PRKG1: variants seen among roughly 807,000 people sequenced by gnomAD.
PRKG1 encodes the protein cGMP-dependent protein kinase 1.
In PRKG1, 35 loss-of-function variants were observed where a neutral mutation model predicts 88.1. The observed-to-expected ratio is 0.40, with a 90% CI of 0.30 to 0.53. The LOEUF is 0.53. Among genes scored for constraint, PRKG1 ranks in the 20% least tolerant of loss-of-function variants. The pLI, the probability that PRKG1 is intolerant of heterozygous loss-of-function variation, is 0.59. For missense variants in PRKG1, 540 were observed against 839.8 expected (o/e 0.64, Z 4.41); for synonymous variants, 303 against 292.5 (o/e 1.04, Z -0.37).
chr10:52,270,808 C>T (rs1245006122), intron 10 of PRKG1, among the ~76,000 whole-genome samples: 1 of 151,648 alleles, frequency 6.6e-6, no homozygotes, highest in Admixed American at 6.6e-5. Flanking sequence ...CAACATGGCA[C>T]ATGTATACAT....
chr10:51,617,720 A>G (rs977749588), intron 3 of PRKG1, among the ~76,000 whole-genome samples: 1 of 152,184 alleles, frequency 6.6e-6, no homozygotes, highest in Non-Finnish European at 1.5e-5. Flanking sequence ...TTGCACAATG[A>G]TGAAATCGCC....
At chr10:51,972,962 C>G (rs1843744823) in intron 5 of PRKG1, among the ~76,000 whole-genome samples, 1 of 152,108 alleles carries the variant, frequency 6.6e-6, no homozygotes, top group Non-Finnish European at 1.5e-5. Flanking sequence ...CTGAAAGTCA[C>G]TGATCTGGTC....
chr10:51,179,781 C>A (rs945800657), intron 2 of PRKG1, among the ~76,000 whole-genome samples: 1 of 152,102 alleles, frequency 6.6e-6, no homozygotes, highest in African/African-American at 2.4e-5. Flanking sequence ...AGGGGGACAG[C>A]CAAAAGTTCC....
intron 2 of PRKG1, among the ~76,000 whole-genome samples, chr10:51,272,976 C>G (rs1185444399): frequency 6.6e-6 from 1 of 152,134 alleles, no homozygotes. Context: ...TCAAAATTAG[C>G]CTGTAGTGTT....
upstream of PRKG1, among the ~76,000 whole-genome samples, chr10:51,071,999 A>C (rs1386189966): frequency 6.6e-6 from 1 of 152,122 alleles, no homozygotes; most frequent in East Asian, 1.9e-4. Context: ...GAGATCGAGA[A>C]CATCCTGGCC....
intron 3 of PRKG1, among the ~76,000 whole-genome samples, chr10:51,502,215 T>A (rs1258657948): frequency 2.0e-5 from 3 of 152,146 alleles, no homozygotes; most frequent in African/African-American, 7.2e-5. Context: ...GATAACATGC[T>A]GGATCTCTGT....
chr10:51,172,648 GTATC>G (rs151084687), intron 2 of PRKG1, among the ~76,000 whole-genome samples: 747 of 40,938 alleles, frequency 0.018, 5 homozygotes, highest in South Asian at 0.049. Flanking sequence ...ATGTATGTAT[GTATC>G]TATCTATCTA....
At chr10:51,571,345 A>G (rs1236387796) in intron 3 of PRKG1, among the ~76,000 whole-genome samples, 1 of 151,952 alleles carries the variant, frequency 6.6e-6, no homozygotes, top group Non-Finnish European at 1.5e-5. Flanking sequence ...CTGTCTCAAC[A>G]TTATGATTTT....
chr10:52,019,882 C>CT (rs569796948), intron 5 of PRKG1, among the ~76,000 whole-genome samples: 33 of 152,234 alleles, frequency 2.2e-4, no homozygotes, highest in Non-Finnish European at 1.0e-4. Flanking sequence ...TAGCCTTAGG[C>CT]AGGGGTTGAG....
chr10:51,694,259 G>C (rs1035687031), intron 3 of PRKG1, among the ~76,000 whole-genome samples: 1 of 152,158 alleles, frequency 6.6e-6, no homozygotes, highest in African/African-American at 2.4e-5. Context: ...CTAAGAGAAA[G>C]GCCTGACACA....
chr10:51,287,482 C>T (rs941535258), intron 2 of PRKG1, among the ~76,000 whole-genome samples: 48 of 152,110 alleles, frequency 3.2e-4, no homozygotes, highest in African/African-American at 1.0e-3. Context: ...GACAGAGCTA[C>T]GGGCAGTTCA....
intron 2 of PRKG1, among the ~76,000 whole-genome samples, chr10:51,170,951 A>G (rs879681586): frequency 6.6e-6 from 1 of 152,176 alleles, no homozygotes; most frequent in Non-Finnish European, 1.5e-5. Context: ...GCGATGTAGA[A>G]TAAACTTTCT....
chr10:51,058,688 A>T (rs1283446204), intron 1 of PRKG1, among the ~76,000 whole-genome samples: 1 of 152,166 alleles, frequency 6.6e-6, no homozygotes, highest in Non-Finnish European at 1.5e-5. Flanking sequence ...TCTCCTTACA[A>T]TGAGTGCTTT....
intron 2 of PRKG1, among the ~76,000 whole-genome samples, chr10:51,414,554 A>G (rs763899085): frequency 2.0e-5 from 3 of 152,228 alleles, no homozygotes; most frequent in Non-Finnish European, 1.5e-5. Flanking sequence ...GTTGGAGTGA[A>G]TAGTGTAACT....
chr10:51,258,863 C>T, intron 2 of PRKG1, among the ~76,000 whole-genome samples: 1 of 152,196 alleles, frequency 6.6e-6, no homozygotes, highest in South Asian at 2.1e-4. Flanking sequence ...TATTTTTCTC[C>T]AGGAGATGCA....
At chr10:51,879,435 G>A (rs1841382194) in intron 4 of PRKG1, among the ~76,000 whole-genome samples, 1 of 152,146 alleles carries the variant, frequency 6.6e-6, no homozygotes, top group Non-Finnish European at 1.5e-5. Context: ...TATGATTCAT[G>A]TCCATCTGTG....
intron 14 of PRKG1, among the ~76,000 whole-genome samples, chr10:52,282,781 AC>A (rs1450640151): frequency 2.9e-4 from 44 of 152,246 alleles, no homozygotes; most frequent in Admixed American, 2.0e-3. Context: ...TAGGGACACC[AC>A]AAGGTATAAA....
At chr10:51,219,810 A>G (rs531916829) in intron 2 of PRKG1, among the ~76,000 whole-genome samples, 2 of 152,272 alleles carry the variant, frequency 1.3e-5, no homozygotes, top group South Asian at 4.1e-4. Context: ...GAAGTTAATG[A>G]GTGGATATCT....
chr10:51,124,043 A>G (rs1323420874), intron 1 of PRKG1, among the ~76,000 whole-genome samples: 1 of 152,090 alleles, frequency 6.6e-6, no homozygotes, highest in Admixed American at 6.6e-5. Flanking sequence ...CCCACCTCCA[A>G]TACTGGAGAT....
Sources: gnomAD v4.1 joint callset for allele counts (sites outside exome capture counted in the v4.1 genomes callset) on GRCh38, gnomAD v4.1.1 for gene constraint, MANE v1.5 for transcripts, NCBI Gene and HGNC (gene_info 2026-07-23, HGNC 2026-07-21) for gene names.